PPL: variants seen among roughly 807,000 people sequenced by gnomAD.
PPL encodes the protein 190 kDa paraneoplastic pemphigus antigen.
In PPL, 198 loss-of-function variants were observed where a neutral mutation model predicts 194.4. The observed-to-expected ratio is 1.02, with a 90% CI of 0.91 to 1.15. The LOEUF is 1.15. Ranked by LOEUF, PPL falls within the 50% of genes most tolerant of loss-of-function variation. PPL has a pLI of 0.00. For synonymous variants in PPL, 1,220 were observed against 972.4 expected (o/e 1.25, Z -4.74); for missense variants, 2,885 against 2,294.8 (o/e 1.26, Z -5.25).
At chr16:4,919,737 T>G (rs1393377322) in intron 1 of PPL, among the ~76,000 whole-genome samples, 1 of 151,542 alleles carries the variant, frequency 6.6e-6, no homozygotes, top group East Asian at 2.0e-4. Context: ...CGAGACCAAA[T>G]TGGGCAAATA....
At chr16:4,896,349 T>G (rs1475874703) in intron 9 of PPL, among the ~76,000 whole-genome samples, 2 of 152,110 alleles carry the variant, frequency 1.3e-5, no homozygotes, top group African/African-American at 4.8e-5. Flanking sequence ...CAGCCACAGA[T>G]GAGTGGATAA....
At position 4,882,716 on chromosome 16, in the gene PPL, C is replaced by G. The variant is rs1022763198; in HGVS notation, c.*668G>C. ...AACTAAGGCTAACAGCAGCACAATC[C>G]ACTATCAAAGGATTTAAATGCCAGA... On this transcript the variant is annotated 3_prime_UTR_variant, in exon 22 of 22. Coordinates refer to ENST00000345988, the MANE Select transcript of PPL (RefSeq NM_002705.5). The G allele has an allele frequency of 6.6e-6, 1 of 152,420 alleles. No individual in the cohort carries two copies. The highest frequency in any genetic ancestry group is 1.5e-5 in the Non-Finnish European group (1 of 68,240). 9.4% of individuals were successfully genotyped at this position (152,420 alleles called of 1,614,324 possible).
intron 17 of PPL, 32 bp downstream of exon 17, chr16:4,890,696 A>G (rs1386775775): frequency 6.4e-7 from 1 of 1,568,356 alleles, no homozygotes; most frequent in Admixed American, 2.0e-5. Flanking sequence ...TTCTCAGAAA[A>G]CAAAAATGGC....
chr16:4,933,515 A>G (rs1006529886), intron 1 of PPL, among the ~76,000 whole-genome samples: 12 of 152,186 alleles, frequency 7.9e-5, no homozygotes, highest in African/African-American at 2.9e-4. Flanking sequence ...GTGACAGGTC[A>G]GATGCCTCCT....
intron 13 of PPL, 70 bp downstream of exon 13, chr16:4,893,471 G>A (rs2088359223): frequency 6.3e-7 from 1 of 1,596,186 alleles, no homozygotes; most frequent in African/African-American, 1.3e-5. Context: ...CTCATCCACA[G>A]CACAGACCCT....
Position 4,884,972 on chromosome 16 carries a change from A to G in PPL, c.3683T>C (p.Val1228Ala), listed in dbSNP as rs768690677. ...AATGACTTCCTTAGTCACCTCTTTG[A>G]CTTCCACCTGGGGGCCTCGCCTCCT... The part of the protein sequence containing the change: ...ALRRRGPQVE[V>A]KEVTKEVIKY... The change falls in exon 22 of 22, where the codon GTC (valine) becomes GCC (alanine). Residue 1228 changes from valine to alanine, a missense_variant. Coordinates refer to ENST00000345988, the MANE Select transcript of PPL (RefSeq NM_002705.5). This position sits in a 1 kb window ranked among gnomAD's most constrained non-coding sequence, Gnocchi z 5.7. 1.9e-6 allele frequency: 3 copies of G among 1,613,750 alleles called. No homozygotes were observed. The highest frequency in any genetic ancestry group is 3.3e-5 in the Admixed American group (2 of 60,010).
intron 1 of PPL, among the ~76,000 whole-genome samples, chr16:4,920,585 C>A (rs546849022): frequency 1.3e-5 from 2 of 152,178 alleles, no homozygotes; most frequent in East Asian, 3.9e-4. Context: ...GCCTCAGCCT[C>A]CCGAGTAGCT....
chr16:4,896,178 T>A (rs933219959), intron 9 of PPL, among the ~76,000 whole-genome samples: 1 of 152,206 alleles, frequency 6.6e-6, no homozygotes, highest in Non-Finnish European at 1.5e-5. Flanking sequence ...GCACCTGGGC[T>A]GCAGCCATAA....
intron 2 of PPL, among the ~76,000 whole-genome samples, chr16:4,907,002 T>G (rs924957534): frequency 2.7e-5 from 4 of 146,208 alleles, no homozygotes; most frequent in Non-Finnish European, 4.5e-5. Flanking sequence ...CCCAGCACTC[T>G]GCGAGGCCCA....
intron 1 of PPL, among the ~76,000 whole-genome samples, chr16:4,934,240 C>G (rs2089263520): frequency 1.3e-5 from 2 of 152,170 alleles, no homozygotes; most frequent in African/African-American, 4.8e-5. Context: ...GGTTCACACC[C>G]TGTCCCGGCC....
chr16:4,883,356 C>T lies in PPL; in HGVS notation c.*28G>A, dbSNP rs376156723. 8.7e-6 allele frequency: 14 copies of T among 1,611,930 alleles called. No individual in the cohort carries two copies. In the South Asian group the frequency reaches 1.1e-4, roughly 13 times the overall value. On this transcript the variant is annotated 3_prime_UTR_variant, in exon 22 of 22. Coordinates refer to ENST00000345988, the MANE Select transcript of PPL (RefSeq NM_002705.5). The surrounding 1 kb of genome is among the most constrained non-coding windows in gnomAD (Gnocchi z 4.8). ...CGTCGTAGGAGAGGGCCAGCGTCTGCCGTTACGAAGAGTTGCAAGAGCTGT... is the reference window on the plus strand; with the variant it reads ...CGTCGTAGGAGAGGGCCAGCGTCTGTCGTTACGAAGAGTTGCAAGAGCTGT...
intron 4 of PPL, among the ~76,000 whole-genome samples, 180 bp from the exon 5 acceptor site, chr16:4,901,269 C>G (rs566933243): frequency 6.6e-6 from 1 of 152,306 alleles, no homozygotes; most frequent in South Asian, 2.1e-4. Flanking sequence ...TGAGCACTGA[C>G]CTATATCATC....
At chr16:4,936,212 G>A (rs1173128015) in intron 1 of PPL, among the ~76,000 whole-genome samples, 1 of 152,192 alleles carries the variant, frequency 6.6e-6, no homozygotes, top group Non-Finnish European at 1.5e-5. Flanking sequence ...TTTCGGGGCT[G>A]GGGTGGGGGC....
chr16:4,883,549 A>G lies in PPL; in HGVS notation c.5106T>C (p.Gly1702=). Residue 1702 remains glycine (G), a synonymous_variant, in exon 22 of 22, where the codon GGT becomes GGC. Transcript: ENST00000345988. This position sits in a 1 kb window ranked among gnomAD's most constrained non-coding sequence, Gnocchi z 4.8. ...ECDWEEISVK[G]PNGESSVIHD... ...GTATCACTGAGGACTCCCCATTGGGACCCTTCACTGAGATCTCCTCCCAGT... is the reference window on the plus strand; with the variant it reads ...GTATCACTGAGGACTCCCCATTGGGGCCCTTCACTGAGATCTCCTCCCAGT... 6.2e-7 allele frequency: 1 copy of G among 1,613,880 alleles called. No homozygotes were observed. The highest frequency in any genetic ancestry group is 1.1e-5 in the South Asian group (1 of 91,050).
At chr16:4,926,878 C>CAA (rs71402575) in intron 1 of PPL, among the ~76,000 whole-genome samples, 8,818 of 81,700 alleles carry the variant, frequency 0.11, 706 homozygotes, top group African/African-American at 0.2. Context: ...GACTCTGTCT[C>CAA]AAAAAAAAAA....
intron 1 of PPL, among the ~76,000 whole-genome samples, chr16:4,918,611 G>T (rs1294896107): frequency 6.6e-6 from 1 of 152,162 alleles, no homozygotes; most frequent in Non-Finnish European, 1.5e-5. Context: ...AGTTACAGAT[G>T]GGGAAATTGA....
chr16:4,890,669 G>C (rs1164943448), intron 17 of PPL, 59 bp downstream of exon 17: 1 of 1,522,148 alleles, frequency 6.6e-7, no homozygotes, highest in African/African-American at 1.4e-5. Flanking sequence ...GCATTGCTTA[G>C]AGGGAATTAG....
intron 16 of PPL, 99 bp from the exon 17 acceptor site, chr16:4,891,020 G>T: frequency 2.7e-6 from 3 of 1,104,416 alleles, no homozygotes; most frequent in Non-Finnish European, 3.8e-6. Context: ...CTGTAGGAGG[G>T]TGGGCAAGGC....
chr16:4,893,701 G>C, intron 12 of PPL, 63 bp from the exon 13 acceptor site: 3 of 1,386,876 alleles, frequency 2.2e-6, no homozygotes, highest in Non-Finnish European at 3.0e-6. Context: ...CCACAGAGGC[G>C]GGACTGCGGA....
Sources: gnomAD v4.1 joint callset for allele counts (sites outside exome capture counted in the v4.1 genomes callset) on GRCh38, gnomAD v4.1.1 for gene constraint, Gnocchi (gnomAD v3.1) non-coding constraint, MANE v1.5 for transcripts, NCBI Gene and HGNC (gene_info 2026-07-23, HGNC 2026-07-21) for gene names.